NLRP5: variants seen among roughly 807,000 people sequenced by gnomAD.
The protein encoded by NLRP5 is NLR family pyrin domain containing 5.
Under a neutral mutation model 113.1 loss-of-function variants are expected in NLRP5, and 93 were observed. The observed-to-expected ratio is 0.82, with a 90% CI of 0.70 to 0.98. The LOEUF (loss-of-function observed/expected upper bound fraction) is 0.98, where lower values mean the gene tolerates loss of function less well. Ranked by LOEUF, NLRP5 falls within the 50% of genes least tolerant of loss-of-function variation. The probability of loss-of-function intolerance (pLI) is 0.00; values close to 1 mark genes in which losing one functional copy is unlikely to be tolerated. For missense variants in NLRP5, 1,808 were observed against 1,514.3 expected (o/e 1.19, Z -3.22); for synonymous variants, 751 against 600.7 (o/e 1.25, Z -3.66).
intron 10 of NLRP5, among the ~76,000 whole-genome samples, chr19:56,040,644 G>T (rs1367178467): frequency 1.3e-5 from 2 of 152,218 alleles, no homozygotes; most frequent in Non-Finnish European, 2.9e-5. Flanking sequence ...TCATAGCCAT[G>T]TGGGGACTGG....
chr19:56,030,583 G>A (rs572292768), intron 7 of NLRP5, among the ~76,000 whole-genome samples: 1 of 152,288 alleles, frequency 6.6e-6, no homozygotes, highest in South Asian at 2.1e-4. Flanking sequence ...CAATTTTCCT[G>A]TAGATTGGCT....
At chr19:56,022,766 C>A (rs1042126324) in intron 6 of NLRP5, among the ~76,000 whole-genome samples, 4 of 152,134 alleles carry the variant, frequency 2.6e-5, no homozygotes, top group Admixed American at 2.0e-4. Context: ...CTCTTGTTGT[C>A]CAGGCTGGAG....
chr19:56,000,513 C>T (rs11667408), intron 1 of NLRP5, among the ~76,000 whole-genome samples: 26,832 of 151,472 alleles, frequency 0.18, 2,668 homozygotes, highest in East Asian at 0.27. Context: ...TACAGGCGCC[C>T]GCCACCACGC....
chr19:56,024,386 A>G (rs1679196361), intron 6 of NLRP5, among the ~76,000 whole-genome samples: 1 of 125,704 alleles, frequency 8.0e-6, no homozygotes, highest in Non-Finnish European at 1.7e-5. Flanking sequence ...TGTATATATA[A>G]CATATATACA....
intron 9 of NLRP5, 47 bp downstream of exon 9, chr19:56,033,756 T>C (rs1376581107): frequency 6.6e-7 from 1 of 1,519,080 alleles, no homozygotes; most frequent in Non-Finnish European, 9.0e-7. Context: ...CGTTTTTACT[T>C]GTGTTTGAAA....
chr19:56,010,228 G>T (rs1050143483), intron 3 of NLRP5, among the ~76,000 whole-genome samples: 2 of 152,152 alleles, frequency 1.3e-5, no homozygotes, highest in Admixed American at 1.3e-4. Context: ...TGTGGTACTG[G>T]CTGTCGTTAG....
At position 56,053,691 on chromosome 19, in the gene NLRP5, T is replaced by A. The variant is rs926115147; in HGVS notation, c.3182T>A (p.Ile1061Asn). 24 of 1,613,690 alleles carry A rather than the reference T, an allele frequency of 1.5e-5. No homozygotes were observed. Among genetic ancestry groups the A allele is most frequent in the Non-Finnish European group, 1.8e-5 (21 of 1,179,858 alleles). Reference sequence around the variant, plus strand: ...TGCTGTGAGAGTCTGTCCTGTGTGATCTCGAGGAGCAGACACCTGAAGAGC... The same window carrying A: ...TGCTGTGAGAGTCTGTCCTGTGTGAACTCGAGGAGCAGACACCTGAAGAGC... Residue 1061 changes from isoleucine to asparagine, a missense_variant, in exon 13 of 15, where the codon ATC becomes AAC. Ile to Asn is a moderately radical substitution (Grantham distance 149). Transcript: ENST00000390649.
At chr19:56,049,084 C>G (rs1983834486) in intron 11 of NLRP5, among the ~76,000 whole-genome samples, 1 of 148,454 alleles carries the variant, frequency 6.7e-6, no homozygotes, top group African/African-American at 2.5e-5. Flanking sequence ...TGGACTCAAG[C>G]AATTCTCCTG....
Position 56,032,729 on chromosome 19 carries a change from A to G in NLRP5, c.2395A>G (p.Lys799Glu), listed in dbSNP as rs1425134187. 1 of 1,612,962 alleles carries G rather than the reference A, an allele frequency of 6.2e-7. No homozygotes were observed. The highest frequency in any genetic ancestry group is 1.3e-5 in the African/African-American group (1 of 74,892). ...CAGCATCCTGACAGAGCGGGCCATG[A>G]AGACCCTGTGTGCCAAGCTGAGGCA... Residue 799 changes from lysine (K) to glutamate (E), a missense_variant, in exon 8 of 15, where the codon AAG becomes GAG. Coordinates refer to ENST00000390649, the MANE Select transcript of NLRP5 (RefSeq NM_153447.4).
At chr19:56,046,832 A>G (rs889172634) in intron 11 of NLRP5, among the ~76,000 whole-genome samples, 1 of 152,144 alleles carries the variant, frequency 6.6e-6, no homozygotes, top group African/African-American at 2.4e-5. Context: ...GCGCCCAGCC[A>G]CCACTTCTTC....
Position 56,007,904 on chromosome 19 carries a change from C to T in NLRP5, c.443-884C>T, listed in dbSNP as rs1026214748. On this transcript the variant is annotated intron_variant, in intron 2 of 14. Transcript: ENST00000390649. Reference sequence around the variant, plus strand: ...GTGTGTGTGTGCGCGTGCGCGCGTGCGTGTGTGTGTGTGTGTGTGTGTGTG... The same window carrying T: ...GTGTGTGTGTGCGCGTGCGCGCGTGTGTGTGTGTGTGTGTGTGTGTGTGTG... Among the ~76,000 whole-genome samples, 177 of 110,136 alleles carry T rather than the reference C, an allele frequency of 1.6e-3. 19 individuals carry two copies. The highest frequency in any genetic ancestry group is 4.0e-3 in the African/African-American group (120 of 30,116). 72.3% of individuals were successfully genotyped at this position (110,136 alleles called of 152,430 possible).
the NLRP5 span, among the ~76,000 whole-genome samples, chr19:55,987,588 G>A: frequency 6.6e-6 from 1 of 152,184 alleles, no homozygotes; most frequent in Non-Finnish European, 1.5e-5. Context: ...TAAGTTAAAT[G>A]GCTTGCCTGG....
rs558693294 is a variant in NLRP5, at chr19:56,005,368, CACAT to C, written c.442+1275_442+1278del. ...ACATACACATATATTTTTATATACA[CACAT>C]ATATATTTATATATACATATACACA... On this transcript the variant is annotated intron_variant, in intron 2 of 14. Coordinates refer to ENST00000390649, the MANE Select transcript of NLRP5 (RefSeq NM_153447.4). Among the ~76,000 whole-genome samples the C allele has an allele frequency of 7.0e-3, 1,013 of 145,682 alleles. 15 individuals carry two copies. The highest frequency in any genetic ancestry group is 0.023 in the African/African-American group (929 of 39,792).
chr19:56,036,904 C>T (rs989263443), intron 9 of NLRP5, among the ~76,000 whole-genome samples: 1 of 152,140 alleles, frequency 6.6e-6, no homozygotes, highest in African/African-American at 2.4e-5. Flanking sequence ...TTACAGTGAG[C>T]CGAGATTGCG....
chr19:56,022,467 G>T (rs1261884632), intron 6 of NLRP5, among the ~76,000 whole-genome samples: 1 of 152,100 alleles, frequency 6.6e-6, no homozygotes, highest in Non-Finnish European at 1.5e-5. Context: ...GGCCTCAAGT[G>T]ATCTGCCCAT....
chr19:56,033,278 C>G (rs764114207), intron 8 of NLRP5, among the ~76,000 whole-genome samples: 1 of 151,992 alleles, frequency 6.6e-6, no homozygotes, highest in Non-Finnish European at 1.5e-5. Context: ...AAACCTTGTG[C>G]TGATGTTACT....
At chr19:56,020,769 T>G (rs1982582709) in intron 6 of NLRP5, among the ~76,000 whole-genome samples, 1 of 151,454 alleles carries the variant, frequency 6.6e-6, no homozygotes, top group African/African-American at 2.4e-5. Flanking sequence ...TGGTAGTAAT[T>G]ATTTTTGTAA....
intron 2 of NLRP5, among the ~76,000 whole-genome samples, chr19:56,008,239 T>G (rs1982026722): frequency 6.6e-6 from 1 of 152,020 alleles, no homozygotes; most frequent in African/African-American, 2.4e-5. Flanking sequence ...CAAGACAGTT[T>G]TTAAGAACTA....
the NLRP5 span, among the ~76,000 whole-genome samples, chr19:55,994,367 C>T: frequency 6.6e-6 from 1 of 152,110 alleles, no homozygotes; most frequent in Non-Finnish European, 1.5e-5. Context: ...CTTGCCAGAT[C>T]ATTATTTTGC....
Sources: allele counts gnomAD v4.1 joint callset (sites outside exome capture counted in the v4.1 genomes callset), GRCh38; gene constraint gnomAD v4.1.1; transcripts MANE v1.5; gene names NCBI Gene and HGNC (gene_info 2026-07-23, HGNC 2026-07-21).